USP13: variants seen among roughly 807,000 people sequenced by gnomAD.
USP13 encodes the protein ubiquitin carboxyl-terminal hydrolase 13.
USP13 carries 68 observed loss-of-function variants against 107.8 expected under a neutral mutation model. That is an observed-to-expected ratio of 0.63 (90% confidence interval 0.52 to 0.77). The LOEUF (loss-of-function observed/expected upper bound fraction) is 0.77, where lower values mean the gene tolerates loss of function less well. Among genes scored for constraint, USP13 ranks in the 30% least tolerant of loss-of-function variants. The pLI, the probability that USP13 is intolerant of heterozygous loss-of-function variation, is 0.00. For synonymous variants in USP13, 377 were observed against 389.5 expected (o/e 0.97, Z 0.38); for missense variants, 945 against 1,093.3 (o/e 0.86, Z 1.91).
rs1424238031 is a variant in USP13, at chr3:179,715,295, G to A, written c.806-4645G>A. On this transcript the variant is annotated intron_variant, in intron 6 of 20. Coordinates refer to ENST00000263966, the MANE Select transcript of USP13 (RefSeq NM_003940.3). ...CCTGCCTCAGCCTCTAAAAGTCCTA[G>A]GATTATAACCTATTCTCTCTTTAAA... 2.6e-5 allele frequency among the ~76,000 whole-genome samples: 4 copies of A among 151,754 alleles called. No individual in the cohort carries two copies. In the South Asian group the frequency reaches 6.3e-4, roughly 24 times the overall value.
chr3:179,788,759 A>G lies in USP13; in HGVS notation c.*4618A>G, dbSNP rs953439937. On this transcript the variant is annotated 3_prime_UTR_variant, in exon 21 of 21. Coordinates refer to ENST00000263966, the MANE Select transcript of USP13 (RefSeq NM_003940.3). Reference sequence around the variant, plus strand: ...TTGGACAGCCCCACTCTAGACTTACATGGTGTGGGGTAGGCAGTGAAATCC... The same window carrying G: ...TTGGACAGCCCCACTCTAGACTTACGTGGTGTGGGGTAGGCAGTGAAATCC... The G allele has an allele frequency of 2.0e-5, 3 of 152,142 alleles. No homozygotes were observed. Among genetic ancestry groups the G allele is most frequent in the Non-Finnish European group, 4.4e-5 (3 of 68,018 alleles). 9.4% of individuals were successfully genotyped at this position (152,142 alleles called of 1,614,324 possible). A position where few individuals can be genotyped will look rare whatever the true frequency, so the allele number is the denominator to read the frequency against.
intron 10 of USP13, among the ~76,000 whole-genome samples, chr3:179,733,261 C>CA: frequency 6.6e-6 from 1 of 152,134 alleles, no homozygotes; most frequent in Non-Finnish European, 1.5e-5. Context: ...TGCATCTAGG[C>CA]AGGGGCAGGG....
chr3:179,744,008 C>G (rs954065768), intron 12 of USP13, among the ~76,000 whole-genome samples: 3 of 146,548 alleles, frequency 2.0e-5, no homozygotes, highest in Non-Finnish European at 4.5e-5. Context: ...TGACTACAGG[C>G]TAGTTTCCAG....
intron 15 of USP13, among the ~76,000 whole-genome samples, chr3:179,756,249 C>G (rs1250610649): frequency 6.6e-6 from 1 of 151,850 alleles, no homozygotes; most frequent in Non-Finnish European, 1.5e-5. Context: ...ATGGTGAAAC[C>G]TCACCTCTAC....
At chr3:179,660,711 A>C (rs1373198699) in intron 1 of USP13, among the ~76,000 whole-genome samples, 1 of 152,238 alleles carries the variant, frequency 6.6e-6, no homozygotes, top group Non-Finnish European at 1.5e-5. Context: ...GGGAGAAAAA[A>C]AAGTTAATTT....
intron 13 of USP13, among the ~76,000 whole-genome samples, chr3:179,746,199 T>TTA (rs1488220596): frequency 2.7e-5 from 4 of 147,082 alleles, no homozygotes; most frequent in Non-Finnish European, 6.0e-5. Flanking sequence ...ATATAAAATT[T>TTA]TATATATAAA....
intron 8 of USP13, among the ~76,000 whole-genome samples, chr3:179,723,115 G>T (rs1221668144): frequency 1.3e-5 from 2 of 152,182 alleles, no homozygotes; most frequent in East Asian, 3.8e-4. Flanking sequence ...AGGCAGGCAG[G>T]TGACATGCCA....
Position 179,653,465 on chromosome 3 carries a change from C to A in USP13, c.168+72C>A. ...GCACGTGAAGCCGGGGGAGAAGATG[C>A]GCAGTGGCGGCCGGGACCTCTTCTC... On this transcript the variant is annotated intron_variant, in intron 1 of 20. Coordinates refer to ENST00000263966, the MANE Select transcript of USP13 (RefSeq NM_003940.3). This position sits in a 1 kb window ranked among gnomAD's most constrained non-coding sequence, Gnocchi z 4.0. The A allele has an allele frequency of 1.3e-6, 2 of 1,507,998 alleles. No homozygotes were observed. Among genetic ancestry groups the A allele is most frequent in the Non-Finnish European group, 1.8e-6 (2 of 1,122,112 alleles). The allele number at this position is 1,507,998 out of a possible 1,614,324, so 93.4% of individuals were successfully genotyped here.
chr3:179,730,053 A>T (rs1044804550), intron 8 of USP13, 136 bp from the exon 9 acceptor site: 4 of 734,050 alleles, frequency 5.4e-6, no homozygotes, highest in Non-Finnish European at 9.1e-6. Flanking sequence ...GTAGAATCTC[A>T]TGAAAAACTT....
intron 16 of USP13, among the ~76,000 whole-genome samples, chr3:179,759,800 G>T (rs180757054): frequency 1.3e-5 from 2 of 152,038 alleles, no homozygotes; most frequent in African/African-American, 4.8e-5. Context: ...TAGCCTCCCA[G>T]GTAGCTGGGA....
At chr3:179,765,531 C>T (rs1328520335) in intron 18 of USP13, among the ~76,000 whole-genome samples, 164 bp from the exon 19 acceptor site, 4 of 152,216 alleles carry the variant, frequency 2.6e-5, no homozygotes, top group African/African-American at 9.6e-5. Context: ...GCCAACTGAA[C>T]GTGCCTGTCA....
Position 179,719,987 on chromosome 3 carries a change from G to A in USP13, c.853G>A (p.Ala285Thr). Residue 285 changes from alanine to threonine, a missense_variant, in exon 7 of 21, where the codon GCC becomes ACC. Transcript: ENST00000263966. ...AGAACCTGTTTTGGATCCTCATTTG[G>A]CCAAGCACTTAGCGCATTTTGGAAT... ...EEEPVLDPHL[A>T]KHLAHFGIDM... 6.2e-7 allele frequency: 1 copy of A among 1,613,968 alleles called. No homozygotes were observed. Among genetic ancestry groups the A allele is most frequent in the Non-Finnish European group, 8.5e-7 (1 of 1,179,962 alleles).
At chr3:179,674,797 G>C (rs1023391363) in intron 1 of USP13, among the ~76,000 whole-genome samples, 2 of 152,008 alleles carry the variant, frequency 1.3e-5, no homozygotes, top group African/African-American at 2.4e-5. Flanking sequence ...TGGTTTATGA[G>C]GCATGTACCT....
At chr3:179,743,544 C>A (rs1024617113) in intron 12 of USP13, among the ~76,000 whole-genome samples, 1 of 151,988 alleles carries the variant, frequency 6.6e-6, no homozygotes, top group African/African-American at 2.4e-5. Flanking sequence ...TCTATATGCT[C>A]ATGCAGTTTT....
chr3:179,749,038 T>C (rs1714505676), intron 13 of USP13, among the ~76,000 whole-genome samples: 1 of 152,184 alleles, frequency 6.6e-6, no homozygotes, highest in South Asian at 2.1e-4. Context: ...GATGATATAA[T>C]TTGAGTGTGG....
Position 179,789,183 on chromosome 3 carries a change from T to C in USP13, c.*5042T>C, listed in dbSNP as rs928759217. ...AATCCTGCCACTCTTGATGTGCCGC[T>C]TGTCTCAGCCTTGGCAGAGGCTGAG... On this transcript the variant is annotated 3_prime_UTR_variant, in exon 21 of 21. Coordinates refer to ENST00000263966, the MANE Select transcript of USP13 (RefSeq NM_003940.3). The C allele has an allele frequency of 9.2e-5, 14 of 152,212 alleles. No individual in the cohort carries two copies. Among genetic ancestry groups the C allele is most frequent in the Admixed American group, 8.5e-4 (13 of 15,288 alleles). The allele number at this position is 152,212 out of a possible 1,614,324, so 9.4% of individuals were successfully genotyped here.
At chr3:179,745,359 CCTAA>C (rs1714366607) in intron 13 of USP13, 142 bp downstream of exon 13, 4 of 1,049,960 alleles carry the variant, frequency 3.8e-6, no homozygotes, top group Admixed American at 5.3e-5. Context: ...GTTCACACAC[CCTAA>C]CTGTCGTCAA....
intron 1 of USP13, among the ~76,000 whole-genome samples, chr3:179,674,619 AGT>A (rs982932880): frequency 7.7e-6 from 1 of 129,064 alleles, no homozygotes; most frequent in Non-Finnish European, 1.7e-5. Flanking sequence ...TGCACAAATT[AGT>A]TTTTTTTTTT....
At chr3:179,660,142 A>G (rs1410631354) in intron 1 of USP13, among the ~76,000 whole-genome samples, 1 of 152,208 alleles carries the variant, frequency 6.6e-6, no homozygotes, top group African/African-American at 2.4e-5. Flanking sequence ...TTTTAATTGT[A>G]CAATTCAGTG....
Sources: allele counts gnomAD v4.1 joint callset (sites outside exome capture counted in the v4.1 genomes callset), GRCh38; gene constraint gnomAD v4.1.1; non-coding constraint Gnocchi (gnomAD v3.1); transcripts MANE v1.5; gene names NCBI Gene and HGNC (gene_info 2026-07-23, HGNC 2026-07-21).